MCTP2: variants seen among roughly 807,000 people sequenced by gnomAD.
The protein encoded by MCTP2 is multiple C2 and transmembrane domain-containing protein 2.
In MCTP2, 132 loss-of-function variants were observed where a neutral mutation model predicts 111.6. The observed-to-expected ratio is 1.18, with a 90% confidence interval of 1.03 to 1.37. The LOEUF is 1.37. Among genes scored for constraint, MCTP2 ranks in the 40% most tolerant of loss-of-function variants. MCTP2 has a pLI of 0.00. For synonymous variants in MCTP2, 395 were observed against 387.7 expected (o/e 1.02, Z -0.22); for missense variants, 1,183 against 1,067.9 (o/e 1.11, Z -1.50).
intron 14 of MCTP2, among the ~76,000 whole-genome samples, chr15:94,393,035 C>A: frequency 6.6e-6 from 1 of 151,964 alleles, no homozygotes. Context: ...TGAAATTATG[C>A]ACATTTTAAT....
At chr15:94,294,155 G>C (rs905272989) in intron 1 of MCTP2, among the ~76,000 whole-genome samples, 1 of 152,124 alleles carries the variant, frequency 6.6e-6, no homozygotes, top group African/African-American at 2.4e-5. Flanking sequence ...AACATTCCCC[G>C]AAAGACAAAA....
chr15:94,337,529 A>G (rs1319986853), intron 4 of MCTP2, among the ~76,000 whole-genome samples: 2 of 142,776 alleles, frequency 1.4e-5, no homozygotes, highest in African/African-American at 5.3e-5. Context: ...TGATTGTTAA[A>G]GTCTGCCTCG....
chr15:94,457,453 T>A (rs2084904150), intron 19 of MCTP2, among the ~76,000 whole-genome samples: 1 of 152,130 alleles, frequency 6.6e-6, no homozygotes, highest in Non-Finnish European at 1.5e-5. Context: ...TTACGGAAGA[T>A]GAATTTGTAT....
chr15:94,300,371 G>A (rs1027971388), intron 2 of MCTP2, among the ~76,000 whole-genome samples: 18 of 151,980 alleles, frequency 1.2e-4, no homozygotes, highest in African/African-American at 2.9e-4. Context: ...TTAGCCGGGC[G>A]TGGTGGCGGG....
intron 13 of MCTP2, 73 bp from the exon 14 acceptor site, chr15:94,385,350 G>T: frequency 1.0e-6 from 1 of 991,960 alleles, no homozygotes; most frequent in South Asian, 1.3e-5. Flanking sequence ...TAGTGAAACA[G>T]TGTTTCCAGA....
At chr15:94,474,699 C>CA (rs1174737224) in intron 21 of MCTP2, among the ~76,000 whole-genome samples, 3 of 151,886 alleles carry the variant, frequency 2.0e-5, no homozygotes, top group African/African-American at 7.2e-5. Flanking sequence ...TCTCTTAAAA[C>CA]AAAAAAAGGA....
rs1485398367 is a variant in MCTP2 at position 94,359,983 on chromosome 15, A to G, written c.1301+1371A>G. The stretch of plus-strand genomic sequence containing the variant: ...TGGCATGTTGCAGGATGTTTAGCAA[A>G]CCTGGCTCTCACCTGCCTGATACCA... On this transcript the variant is annotated intron_variant, in intron 10 of 22. Coordinates refer to ENST00000357742, the MANE Select transcript of MCTP2 (RefSeq NM_001385001.1). Among the ~76,000 whole-genome samples the G allele has an allele frequency of 3.9e-5, 6 of 152,236 alleles. No individual in the cohort carries two copies. In the South Asian group the frequency reaches 1.0e-3, roughly 26 times the overall value.
At chr15:94,379,816 CAT>C (rs1473446584) in intron 12 of MCTP2, among the ~76,000 whole-genome samples, 139 of 136,514 alleles carry the variant, frequency 1.0e-3, no homozygotes, top group African/African-American at 3.5e-3. Flanking sequence ...AATTATATGA[CAT>C]AATTATATAT....
At position 94,479,039 on chromosome 15, in the gene MCTP2, C is replaced by T. The variant is rs1239737051; in HGVS notation, c.*5C>T. ...AAGAAGCGCAGCGCTCTCTAGGGCA[C>T]ACACCGACTTTGGACAGCAGCACCC... On this transcript the variant is annotated 3_prime_UTR_variant, in exon 23 of 23. Coordinates refer to ENST00000357742, the MANE Select transcript of MCTP2 (RefSeq NM_001385001.1). 1.9e-6 allele frequency: 3 copies of T among 1,613,950 alleles called. No individual in the cohort carries two copies. The South Asian group carries it at 3.3e-5, about 18-fold the overall frequency.
intron 19 of MCTP2, among the ~76,000 whole-genome samples, chr15:94,449,167 A>C (rs2084294902): frequency 6.6e-6 from 1 of 152,234 alleles, no homozygotes; most frequent in African/African-American, 2.4e-5. Context: ...CACTGGAATA[A>C]AGTATTAAAC....
At position 94,470,853 on chromosome 15, in the gene MCTP2, C is replaced by T. The variant is rs2073865787; in HGVS notation, c.2470+411C>T. 3.3e-5 allele frequency among the ~76,000 whole-genome samples: 5 copies of T among 152,108 alleles called. No individual in the cohort carries two copies. The South Asian group carries it at 1.0e-3, about 31-fold the overall frequency. ...GGCCACTACCAGGTTGCTTCTGACA[C>T]TTCATCCCTCTTGGAGAAAAAAATT... On this transcript the variant is annotated intron_variant, in intron 21 of 22. Transcript: ENST00000357742.
intron 4 of MCTP2, among the ~76,000 whole-genome samples, chr15:94,318,523 T>C (rs1308613502): frequency 6.6e-6 from 1 of 152,164 alleles, no homozygotes; most frequent in Non-Finnish European, 1.5e-5. Flanking sequence ...TCTGCCCACC[T>C]TGGCCTCCCA....
At chr15:94,259,356 T>C (rs575786459) in intron 1 of MCTP2, among the ~76,000 whole-genome samples, 1 of 152,312 alleles carries the variant, frequency 6.6e-6, no homozygotes, top group East Asian at 1.9e-4. Flanking sequence ...GAAATTGATG[T>C]TCTCCTCCTA....
At position 94,245,833 on chromosome 15, in the gene MCTP2, C is replaced by G. The variant is rs1387062333; in HGVS notation, c.-66+14169C>G. 4.0e-5 allele frequency among the ~76,000 whole-genome samples: 6 copies of G among 151,456 alleles called. No homozygotes were observed. The East Asian group carries it at 1.2e-3, about 29-fold the overall frequency. On this transcript the variant is annotated intron_variant, in intron 1 of 22. Transcript: ENST00000357742. ...ACCTACATTTCTGATTGCTCCCCCC[C>G]CAGCCAAAAATATTGATCAGCTATG...
Position 94,262,147 on chromosome 15 carries a change from G to A in MCTP2, c.-66+30483G>A, listed in dbSNP as rs552452110. On this transcript the variant is annotated intron_variant, in intron 1 of 22. Coordinates refer to ENST00000357742, the MANE Select transcript of MCTP2 (RefSeq NM_001385001.1). ...AAAAAATAAATTTAAAGAGCTTTTA[G>A]TTGGTCACCTAAACTATTTTATTGT... Among the ~76,000 whole-genome samples, 4 of 152,136 alleles carry A rather than the reference G, an allele frequency of 2.6e-5. No homozygotes were observed. In the South Asian group the frequency reaches 8.3e-4, roughly 32 times the overall value.
chr15:94,407,411 G>C (rs2081954045), intron 17 of MCTP2, among the ~76,000 whole-genome samples: 2 of 152,072 alleles, frequency 1.3e-5, no homozygotes, highest in Non-Finnish European at 2.9e-5. Flanking sequence ...TTTTTACTTG[G>C]ATGTTTGATC....
intron 19 of MCTP2, among the ~76,000 whole-genome samples, chr15:94,443,442 T>C (rs186243077): frequency 5.3e-5 from 8 of 152,346 alleles, no homozygotes; most frequent in Admixed American, 6.5e-5. Context: ...TCAAATCTGC[T>C]GCTTTTGTTG....
chr15:94,245,396 ATGTGTG>A (rs2071816890), intron 1 of MCTP2, among the ~76,000 whole-genome samples: 1 of 52,440 alleles, frequency 1.9e-5, no homozygotes, highest in African/African-American at 6.5e-5. Context: ...ATTTATATAC[ATGTGTG>A]TATATATTTA....
chr15:94,337,075 T>C (rs937037970), intron 4 of MCTP2, among the ~76,000 whole-genome samples: 1 of 152,090 alleles, frequency 6.6e-6, no homozygotes, highest in African/African-American at 2.4e-5. Context: ...GCCGACCCCT[T>C]TTCAGAAGCT....
Sources: gnomAD v4.1 joint callset for allele counts (sites outside exome capture counted in the v4.1 genomes callset) on GRCh38, gnomAD v4.1.1 for gene constraint, MANE v1.5 for transcripts, NCBI Gene and HGNC (gene_info 2026-07-23, HGNC 2026-07-21) for gene names.